PRKX: variants seen among roughly 807,000 people sequenced by gnomAD.
PRKX encodes the protein cAMP-dependent protein kinase catalytic subunit PRKX.
In PRKX, 12 loss-of-function variants were observed where a neutral mutation model predicts 22.0. The ratio of observed to expected loss-of-function variants is 0.54; its 90% CI spans 0.35 to 0.88. The LOEUF is 0.88. PRKX is among the 40% of genes least tolerant of loss of function. The pLI is 0.01. For missense variants in PRKX, 217 were observed against 308.0 expected (o/e 0.70, Z 2.21); for synonymous variants, 134 against 137.7 (o/e 0.97, Z 0.19).
rs775509944 is a variant in PRKX at position 3,649,403 on chromosome X, A to G, written c.599+5746T>C. 3.9e-5 allele frequency among the ~76,000 whole-genome samples: 4 copies of G among 103,702 alleles called. No homozygotes were observed. In the East Asian group the frequency reaches 1.2e-3, roughly 32 times the overall value. 90.1% of individuals were successfully genotyped at this position (103,702 alleles called of 115,157 possible). On this transcript the variant is annotated intron_variant, in intron 3 of 8. Transcript: ENST00000262848. ...TAGGGGAGCTATCTAGATAACATAA[A>G]GTGTGTGTGCAAAATATTTACAATA...
chrX:3,617,181 TTAAA>T (rs1926442293), intron 6 of PRKX, among the ~76,000 whole-genome samples: 8 of 110,035 alleles, frequency 7.3e-5, no homozygotes, highest in Admixed American at 6.9e-4. Context: ...TATATACACA[TTAAA>T]TATACACATA....
At chrX:3,662,173 G>T (rs933477425) in intron 2 of PRKX, among the ~76,000 whole-genome samples, 8 of 111,091 alleles carry the variant, frequency 7.2e-5, no homozygotes, top group African/African-American at 2.3e-4. Flanking sequence ...GGCTGGAGGG[G>T]GTCCTGTAAG....
chrX:3,701,977 G>T (rs1332201136), intron 1 of PRKX, among the ~76,000 whole-genome samples: 1 of 112,179 alleles, frequency 8.9e-6, no homozygotes, highest in Non-Finnish European at 1.9e-5. Flanking sequence ...AGCCCTCGAA[G>T]CCACTCTGTC....
chrX:3,668,385 G>A (rs948518107), intron 2 of PRKX, among the ~76,000 whole-genome samples: 6 of 110,687 alleles, frequency 5.4e-5, no homozygotes, highest in Admixed American at 9.7e-5. Flanking sequence ...CAAATAGAGA[G>A]CAAAATAAAT....
At position 3,621,181 on chromosome X, in the gene PRKX, T is replaced by G. The variant is rs1926547808; in HGVS notation, c.873+78A>C. ...CGACCGCTAAGCCTTGGTTTATACC[T>G]GCACATGCCAATGTGGGTGTTAGAC... On this transcript the variant is annotated intron_variant, in intron 6 of 8. Transcript: ENST00000262848. The G allele has an allele frequency of 7.6e-6, 7 of 916,304 alleles. No individual in the cohort carries two copies. In the East Asian group the frequency reaches 2.2e-4, roughly 29 times the overall value. The allele number at this position is 916,304 out of a possible 1,213,427, so 75.5% of individuals were successfully genotyped here. A position where few individuals can be genotyped will look rare whatever the true frequency, so the allele number is the denominator to read the frequency against.
At chrX:3,701,432 A>G (rs765737101) in intron 1 of PRKX, among the ~76,000 whole-genome samples, 17 of 112,582 alleles carry the variant, frequency 1.5e-4, no homozygotes, top group Non-Finnish European at 2.8e-4. Flanking sequence ...GTCATTGTAA[A>G]CAAAATCAAC....
At chrX:3,622,339 TAAC>T (rs2146560848) in intron 5 of PRKX, among the ~76,000 whole-genome samples, 1 of 110,838 alleles carries the variant, frequency 9.0e-6, no homozygotes, top group East Asian at 2.8e-4. Context: ...TTATGTATAA[TAAC>T]ATACATAATA....
At chrX:3,710,180 A>G in intron 1 of PRKX, among the ~76,000 whole-genome samples, 1 of 111,927 alleles carries the variant, frequency 8.9e-6, no homozygotes, top group East Asian at 2.8e-4. Context: ...AACCAGATTG[A>G]AAACCATTTT....
intron 2 of PRKX, among the ~76,000 whole-genome samples, chrX:3,656,777 G>A (rs1461096603): frequency 1.8e-5 from 2 of 112,226 alleles, no homozygotes; most frequent in African/African-American, 6.5e-5. Context: ...TGTTGTCTTA[G>A]TCCATTCTGG....
chrX:3,631,839 T>C (rs1246666342), intron 4 of PRKX, among the ~76,000 whole-genome samples: 3 of 112,581 alleles, frequency 2.7e-5, no homozygotes, highest in African/African-American at 9.7e-5. Flanking sequence ...TGGAGTACAG[T>C]CCTGAGACAC....
chrX:3,653,349 C>T (rs1927377558), intron 3 of PRKX, among the ~76,000 whole-genome samples: 1 of 109,933 alleles, frequency 9.1e-6, no homozygotes, highest in African/African-American at 3.3e-5. Flanking sequence ...ACCTCGATCT[C>T]GGACTTCCAG....
intron 1 of PRKX, among the ~76,000 whole-genome samples, chrX:3,677,740 GGGA>G (rs771477170): frequency 8.9e-6 from 1 of 111,754 alleles, no homozygotes; most frequent in African/African-American, 3.2e-5. Context: ...AGACTGGGAA[GGGA>G]GGAGGAGAAG....
chrX:3,655,385 G>A lies in PRKX; in HGVS notation c.363C>T (p.Phe121=). ...RLFWTWHDER[F]LYMLMEYVPG... ...GCACGTACTCCATGAGCATGTAGAGGAAGCGCTCGTCATGCCACGTCCAGA... is the reference window on the plus strand; with the variant it reads ...GCACGTACTCCATGAGCATGTAGAGAAAGCGCTCGTCATGCCACGTCCAGA... The change falls in exon 3 of 9, where the codon TTC becomes TTT. Residue 121 remains phenylalanine, a synonymous_variant. Transcript: ENST00000262848. 1 of 1,212,245 alleles carries A rather than the reference G, an allele frequency of 8.2e-7. No homozygotes were observed. Among genetic ancestry groups the A allele is most frequent in the South Asian group, 1.8e-5 (1 of 57,029 alleles).
chrX:3,617,031 C>G (rs1023779137), intron 6 of PRKX, among the ~76,000 whole-genome samples: 5 of 110,848 alleles, frequency 4.5e-5, no homozygotes, highest in South Asian at 3.8e-4. Context: ...TATATACATA[C>G]TTATACACAT....
intron 3 of PRKX, among the ~76,000 whole-genome samples, chrX:3,654,468 T>TGTTTTG (rs199687574): frequency 1.5e-4 from 15 of 98,548 alleles, no homozygotes; most frequent in Admixed American, 8.6e-4. Context: ...TTTTTTTTTT[T>TGTTTTG]TTTTTTTTTG....
chrX:3,674,339 G>A (rs191524787), intron 2 of PRKX, among the ~76,000 whole-genome samples: 69 of 111,954 alleles, frequency 6.2e-4, no homozygotes, highest in African/African-American at 1.9e-3. Context: ...GGTTCACCCA[G>A]GAGAGGAGCA....
intron 5 of PRKX, among the ~76,000 whole-genome samples, chrX:3,623,809 C>A (rs1655670710): frequency 9.0e-6 from 1 of 111,464 alleles, no homozygotes; most frequent in South Asian, 3.8e-4. Context: ...GATGCAGGTA[C>A]TTTCAGGTGT....
At chrX:3,610,298 T>A (rs1926266762) in intron 8 of PRKX, among the ~76,000 whole-genome samples, 1 of 111,017 alleles carries the variant, frequency 9.0e-6, no homozygotes, top group African/African-American at 3.3e-5. Flanking sequence ...CTGGCCAACA[T>A]GGCAAAACCC....
intron 1 of PRKX, among the ~76,000 whole-genome samples, chrX:3,700,886 A>T (rs746556189): frequency 9.0e-6 from 1 of 111,456 alleles, no homozygotes; most frequent in East Asian, 2.8e-4. Context: ...ACAGGTGTTC[A>T]GCCACCAAGC....
Sources: gnomAD v4.1 joint callset for allele counts (sites outside exome capture counted in the v4.1 genomes callset) on GRCh38, gnomAD v4.1.1 for gene constraint, MANE v1.5 for transcripts, NCBI Gene and HGNC (gene_info 2026-07-23, HGNC 2026-07-21) for gene names.